SORBS2: variants seen among roughly 807,000 people sequenced by gnomAD.
The protein encoded by SORBS2 is sorbin and SH3 domain containing 2.
A neutral mutation model predicts 97.7 loss-of-function variants in SORBS2; 46 were observed. That is an observed-to-expected ratio of 0.47 (90% CI 0.37 to 0.60). The LOEUF is 0.60. Among genes scored for constraint, SORBS2 ranks in the 20% least tolerant of loss-of-function variants. The pLI, the probability that SORBS2 is intolerant of heterozygous loss-of-function variation, is 0.00. For synonymous variants in SORBS2, 476 were observed against 473.4 expected, an observed-to-expected ratio of 1.01 and a Z score of -0.07; for missense variants, 1,316 against 1,282.3, an observed-to-expected ratio of 1.03 and a Z score of -0.40.
At chr4:185,874,866 T>TTTTTTTTTTTTTTTTTTTTTTTTGC (rs775209042) in intron 1 of SORBS2, among the ~76,000 whole-genome samples, 12 of 113,428 alleles carry the variant, frequency 1.1e-4, no homozygotes, top group Non-Finnish European at 2.0e-4. Context: ...TGATTTTTTT[T>TTTTTTTTTTTTTTTTTTTTTTTTGC]TTTTTTGCAT....
chr4:185,911,950 T>C (rs1414157651), intron 1 of SORBS2, among the ~76,000 whole-genome samples: 2 of 152,220 alleles, frequency 1.3e-5, no homozygotes, highest in African/African-American at 2.4e-5. Context: ...GCCACATCAC[T>C]AGTGCTCTCC....
chr4:185,755,111 T>C (rs1043182792), intron 2 of SORBS2, among the ~76,000 whole-genome samples: 2 of 152,252 alleles, frequency 1.3e-5, no homozygotes, highest in African/African-American at 2.4e-5. Flanking sequence ...ATTGGAAATA[T>C]AGCTTTGGAC....
chr4:185,681,108 T>C (rs556893543), intron 2 of SORBS2, among the ~76,000 whole-genome samples: 1 of 152,340 alleles, frequency 6.6e-6, no homozygotes, highest in African/African-American at 2.4e-5. Flanking sequence ...GATGAACCAG[T>C]ATTTTAATAA....
chr4:185,823,496 T>C (rs536583490), intron 1 of SORBS2, among the ~76,000 whole-genome samples: 40 of 91,944 alleles, frequency 4.4e-4, no homozygotes, highest in African/African-American at 1.8e-3. Context: ...AATTTTCTTT[T>C]GTTTATTTGT....
chr4:185,867,070 G>T (rs552067023), intron 1 of SORBS2, among the ~76,000 whole-genome samples: 1 of 152,078 alleles, frequency 6.6e-6, no homozygotes, highest in East Asian at 1.9e-4. Flanking sequence ...GGAGTGTGGT[G>T]GCGCCAGCTT....
intron 2 of SORBS2, among the ~76,000 whole-genome samples, chr4:185,717,572 C>T (rs574636711): frequency 1.3e-5 from 2 of 152,260 alleles, no homozygotes; most frequent in South Asian, 2.1e-4. Flanking sequence ...AAAAGCAGGG[C>T]TTACACATAT....
At chr4:185,675,015 T>C (rs1016952808) in intron 4 of SORBS2, 1 of 152,210 alleles carries the variant, frequency 6.6e-6, no homozygotes, top group African/African-American at 2.4e-5. Context: ...CCAACTCTGT[T>C]ACTAGAACAG....
intron 2 of SORBS2, among the ~76,000 whole-genome samples, chr4:185,744,541 C>T (rs1481923360): frequency 1.3e-5 from 2 of 152,242 alleles, no homozygotes; most frequent in African/African-American, 4.8e-5. Context: ...CATTAATCTT[C>T]TTTAGCTCAA....
intron 2 of SORBS2, among the ~76,000 whole-genome samples, chr4:185,743,668 T>C (rs1276371079): frequency 6.6e-6 from 1 of 152,176 alleles, no homozygotes; most frequent in Non-Finnish European, 1.5e-5. Context: ...AGGTAGCAAA[T>C]GAGTGGAAGG....
chr4:185,923,471 A>AGTTTTTTTTTTTT (rs1491276775), intron 1 of SORBS2, among the ~76,000 whole-genome samples: 1 of 43,760 alleles, frequency 2.3e-5, no homozygotes, highest in East Asian at 8.7e-4. Context: ...TCTTTTTTTT[A>AGTTTTTTTTTTTT]ATTTTTTTTT....
chr4:185,832,144 T>G (rs576312502), intron 1 of SORBS2, among the ~76,000 whole-genome samples: 2 of 152,350 alleles, frequency 1.3e-5, no homozygotes, highest in African/African-American at 4.8e-5. Context: ...TTTGCACTTA[T>G]GCCATGATAG....
chr4:185,716,613 G>A (rs928431788), intron 2 of SORBS2, among the ~76,000 whole-genome samples: 6 of 152,008 alleles, frequency 3.9e-5, no homozygotes, highest in African/African-American at 9.7e-5. Context: ...TTTTAAGGGC[G>A]TCTACTAAAT....
chr4:185,653,389 C>T (rs960158449), intron 1 of SORBS2, among the ~76,000 whole-genome samples: 13 of 152,208 alleles, frequency 8.5e-5, no homozygotes, highest in Admixed American at 3.9e-4. Flanking sequence ...CGGATCCAGG[C>T]GTCGGACATG....
chr4:185,639,214 T>G (rs192099207), intron 4 of SORBS2, among the ~76,000 whole-genome samples, 179 bp from the exon 14 acceptor site: 212 of 152,322 alleles, frequency 1.4e-3, no homozygotes, highest in Non-Finnish European at 2.4e-3. Flanking sequence ...TGCGAAGCCC[T>G]GCCCACCAGG....
chr4:185,596,530 CTT>C (rs58831094), intron 12 of SORBS2, among the ~76,000 whole-genome samples: 170 of 77,410 alleles, frequency 2.2e-3, no homozygotes, highest in African/African-American at 8.9e-3. Flanking sequence ...ACCGTCCTTG[CTT>C]TTTTTTTTTT....
At chr4:185,900,431 G>C (rs1399742441) in intron 1 of SORBS2, among the ~76,000 whole-genome samples, 1 of 152,134 alleles carries the variant, frequency 6.6e-6, no homozygotes, top group Non-Finnish European at 1.5e-5. Flanking sequence ...GAAGATCAAA[G>C]AAGCCAGCTC....
intron 2 of SORBS2, chr4:185,771,364 T>C (rs7680186): frequency 0.18 from 27,959 of 152,154 alleles, 2,767 homozygotes; most frequent in Middle Eastern, 0.27. Flanking sequence ...TACCTTGATA[T>C]GGTTAGTGAG....
At chr4:185,664,538 C>T (rs116822215) in intron 4 of SORBS2, among the ~76,000 whole-genome samples, 3,173 of 152,174 alleles carry the variant, frequency 0.021, 109 homozygotes, top group African/African-American at 0.073. Context: ...CTCCTGGTGC[C>T]CGTAGTTGGG....
At chr4:185,722,963 G>A (rs2098527305) in intron 2 of SORBS2, among the ~76,000 whole-genome samples, 2 of 152,020 alleles carry the variant, frequency 1.3e-5, no homozygotes, top group African/African-American at 4.8e-5. Context: ...TCCCACAGCC[G>A]ATCTGAGCTG....
Sources: allele counts gnomAD v4.1 joint callset (sites outside exome capture counted in the v4.1 genomes callset), GRCh38; gene constraint gnomAD v4.1.1; transcripts MANE v1.5; gene names NCBI Gene and HGNC (gene_info 2026-07-23, HGNC 2026-07-21).